NRG3: variants seen among roughly 807,000 people sequenced by gnomAD.
NRG3 encodes the protein neuregulin 3.
A neutral mutation model predicts 66.9 loss-of-function variants in NRG3; 31 were observed. The ratio of observed to expected loss-of-function variants is 0.46; its 90% CI spans 0.35 to 0.63. The LOEUF (loss-of-function observed/expected upper bound fraction) is 0.63. NRG3 is among the 20% of genes least tolerant of loss of function. NRG3 has a pLI of 0.00. For synonymous variants in NRG3, 393 were observed against 359.4 expected, an observed-to-expected ratio of 1.09 and a Z score of -1.06; for missense variants, 910 against 878.9, an observed-to-expected ratio of 1.04 and a Z score of -0.45.
intron 1 of NRG3, among the ~76,000 whole-genome samples, chr10:82,320,556 C>G (rs2081514257): frequency 6.6e-6 from 1 of 152,098 alleles, no homozygotes; most frequent in Non-Finnish European, 1.5e-5. Flanking sequence ...TTCTGGAGGT[C>G]TCCTTGAAAT....
chr10:82,882,686 G>A (rs1842407278), intron 4 of NRG3, among the ~76,000 whole-genome samples: 1 of 152,178 alleles, frequency 6.6e-6, no homozygotes, highest in Non-Finnish European at 1.5e-5. Flanking sequence ...CACATTATAA[G>A]GAGATGGGGT....
intron 1 of NRG3, among the ~76,000 whole-genome samples, chr10:82,086,020 A>G (rs557585463): frequency 6.4e-4 from 98 of 152,250 alleles, no homozygotes; most frequent in Non-Finnish European, 1.1e-3. Flanking sequence ...TTTTAAAAGG[A>G]CACGTTCAAA....
intron 2 of NRG3, among the ~76,000 whole-genome samples, chr10:82,527,172 CA>C (rs549869379): frequency 1.0e-4 from 15 of 147,918 alleles, no homozygotes; most frequent in Non-Finnish European, 1.3e-4. Context: ...ATTGTATTAC[CA>C]AAAAAAAAAT....
intron 2 of NRG3, among the ~76,000 whole-genome samples, chr10:82,654,853 A>C (rs2133917547): frequency 6.6e-6 from 1 of 152,238 alleles, no homozygotes; most frequent in Admixed American, 6.5e-5. Flanking sequence ...ATCTTCAGGT[A>C]ACATAGAAGT....
Position 81,979,167 on chromosome 10 carries a change from G to A in NRG3, c.823+103004G>A, listed in dbSNP as rs188923047. 2.4e-3 allele frequency among the ~76,000 whole-genome samples: 324 copies of A among 137,442 alleles called. 1 individual carries two copies. The highest frequency in any genetic ancestry group is 7.8e-3 in the African/African-American group (283 of 36,232). 90.2% of individuals were successfully genotyped at this position (137,442 alleles called of 152,430 possible). A position where few individuals can be genotyped will look rare whatever the true frequency, so the allele number is the denominator to read the frequency against. The stretch of plus-strand genomic sequence containing the variant: ...TTGTGCCACTGCACTCCAGCCTGGC[G>A]ACAGGGCGGGACTCCGTCTCAAAAA... On this transcript the variant is annotated intron_variant, in intron 1 of 8. Coordinates refer to ENST00000372141, the MANE Select transcript of NRG3 (RefSeq NM_001010848.4).
intron 1 of NRG3, among the ~76,000 whole-genome samples, chr10:81,953,577 A>T (rs890788524): frequency 9.9e-5 from 15 of 152,210 alleles, no homozygotes; most frequent in Admixed American, 3.9e-4. Context: ...TTGATAAAGT[A>T]TCACATTACA....
chr10:82,417,946 T>G (rs2088700798), intron 2 of NRG3, among the ~76,000 whole-genome samples: 1 of 152,206 alleles, frequency 6.6e-6, no homozygotes, highest in Non-Finnish European at 1.5e-5. Flanking sequence ...TGATGGTAAT[T>G]CAGACTAGAA....
At chr10:82,012,405 A>T (rs1292916209) in intron 1 of NRG3, among the ~76,000 whole-genome samples, 1 of 152,092 alleles carries the variant, frequency 6.6e-6, no homozygotes, top group Non-Finnish European at 1.5e-5. Flanking sequence ...TGCTGTGAAG[A>T]CCTCTGACAT....
chr10:82,048,170 G>T (rs2063402716), intron 1 of NRG3, among the ~76,000 whole-genome samples: 1 of 151,992 alleles, frequency 6.6e-6, no homozygotes, highest in Admixed American at 6.6e-5. Flanking sequence ...ACACCCCACT[G>T]TCAACATTAG....
chr10:82,703,942 C>T (rs2056094102), intron 2 of NRG3, among the ~76,000 whole-genome samples: 1 of 152,020 alleles, frequency 6.6e-6, no homozygotes, highest in South Asian at 2.1e-4. Context: ...AGATAAGCTA[C>T]CTTTTAATTT....
At chr10:82,666,090 G>C (rs565760083) in intron 2 of NRG3, among the ~76,000 whole-genome samples, 1 of 152,046 alleles carries the variant, frequency 6.6e-6, no homozygotes, top group African/African-American at 2.4e-5. Context: ...TCGATCTCCC[G>C]ACCTCAGGTG....
chr10:82,492,939 T>C (rs1210843089), intron 2 of NRG3, among the ~76,000 whole-genome samples: 2 of 152,122 alleles, frequency 1.3e-5, no homozygotes, highest in Admixed American at 1.3e-4. Flanking sequence ...AAATTGAGCT[T>C]TGTATTCAGT....
intron 5 of NRG3, 21 bp from the exon 6 acceptor site, chr10:82,958,928 C>A: frequency 1.9e-6 from 3 of 1,539,764 alleles, no homozygotes; most frequent in Non-Finnish European, 2.6e-6. Context: ...AATATTTGTA[C>A]ACGTTTATTT....
intron 2 of NRG3, among the ~76,000 whole-genome samples, chr10:82,517,047 G>T (rs1300337649): frequency 1.3e-5 from 2 of 152,058 alleles, no homozygotes; most frequent in East Asian, 3.9e-4. Context: ...TACATAAGAT[G>T]CTTCCTATGC....
chr10:82,395,517 T>A (rs2086657254), intron 2 of NRG3, among the ~76,000 whole-genome samples: 1 of 152,202 alleles, frequency 6.6e-6, no homozygotes, highest in Non-Finnish European at 1.5e-5. Context: ...AAAACCAGAA[T>A]AAATAATATG....
chr10:82,390,792 C>G (rs1400390248), intron 2 of NRG3, among the ~76,000 whole-genome samples: 1 of 152,074 alleles, frequency 6.6e-6, no homozygotes. Flanking sequence ...TGTAATTAGA[C>G]AAAACAGAAA....
chr10:81,884,282 A>T (rs1169919123), intron 1 of NRG3, among the ~76,000 whole-genome samples: 1 of 152,202 alleles, frequency 6.6e-6, no homozygotes, highest in East Asian at 1.9e-4. Flanking sequence ...CTCCATAAAT[A>T]GCTCACCTGC....
At chr10:82,783,574 G>T (rs1171749470) in intron 3 of NRG3, among the ~76,000 whole-genome samples, 1 of 152,100 alleles carries the variant, frequency 6.6e-6, no homozygotes, top group African/African-American at 2.4e-5. Context: ...CAGGCAAACA[G>T]AGAGCCAAAT....
intron 3 of NRG3, among the ~76,000 whole-genome samples, chr10:82,741,311 A>G (rs1002421234): frequency 4.6e-5 from 7 of 152,156 alleles, no homozygotes; most frequent in African/African-American, 1.7e-4. Flanking sequence ...GTGAGGGGGA[A>G]AAACATGTGG....
Sources: gnomAD v4.1 joint callset for allele counts (sites outside exome capture counted in the v4.1 genomes callset) on GRCh38, gnomAD v4.1.1 for gene constraint, MANE v1.5 for transcripts, NCBI Gene and HGNC (gene_info 2026-07-23, HGNC 2026-07-21) for gene names.